DAGLB: variants seen among roughly 807,000 people sequenced by gnomAD.
DAGLB encodes the protein diacylglycerol lipase-beta.
Under a neutral mutation model 72.1 loss-of-function variants are expected in DAGLB, and 66 were observed. The observed-to-expected ratio is 0.92, with a 90% CI of 0.75 to 1.12. DAGLB has a LOEUF of 1.12. DAGLB is among the 50% of genes most tolerant of loss of function. The pLI, the probability that DAGLB is intolerant of heterozygous loss-of-function variation, is 0.00. For synonymous variants in DAGLB, 414 were observed against 359.5 expected, an observed-to-expected ratio of 1.15 and a Z score of -1.71; for missense variants, 1,065 against 884.9, an observed-to-expected ratio of 1.20 and a Z score of -2.58.
chr7:6,413,048 CAG>C lies in DAGLB; in HGVS notation c.1428-16_1428-15del, dbSNP rs1224273378. 5 of 1,611,268 alleles carry C rather than the reference CAG, an allele frequency of 3.1e-6. No individual in the cohort carries two copies. The highest frequency in any genetic ancestry group is 2.2e-5 in the East Asian group (1 of 44,780). ...TGCAGAGCTTTGCTGAAATTCCAAA[CAG>C]AGAGAGGATGTTAGCTTTACGATGA... On this transcript the variant is annotated splice_polypyrimidine_tract_variant and intron_variant, in intron 11 of 14. Coordinates refer to ENST00000297056, the MANE Select transcript of DAGLB (RefSeq NM_139179.4).
At chr7:6,429,864 G>A (rs965235241) in intron 6 of DAGLB, among the ~76,000 whole-genome samples, 3 of 152,204 alleles carry the variant, frequency 2.0e-5, no homozygotes, top group African/African-American at 7.2e-5. Context: ...CTAACACGGT[G>A]AAACCCCATC....
At chr7:6,416,569 G>C in intron 11 of DAGLB, 58 bp downstream of exon 11, 2 of 1,540,532 alleles carry the variant, frequency 1.3e-6, no homozygotes, top group South Asian at 1.2e-5. Flanking sequence ...AAAAAGATGA[G>C]TCTTGACCAC....
Position 6,424,739 on chromosome 7 carries a change from G to A in DAGLB, c.1140+13C>T, listed in dbSNP as rs377495654. The A allele has an allele frequency of 3.1e-6, 5 of 1,612,992 alleles. No homozygotes were observed. The African/African-American group carries it at 6.7e-5, about 22-fold the overall frequency. ...CCCACTCCCAGGGCTGGAAAGTCAG[G>A]TTCCAACGTTACCTGCAGAGACATG... On this transcript the variant is annotated intron_variant, in intron 8 of 14. Transcript: ENST00000297056.
intron 8 of DAGLB, among the ~76,000 whole-genome samples, chr7:6,423,753 A>G (rs748349559): frequency 6.6e-6 from 1 of 151,944 alleles, no homozygotes; most frequent in Non-Finnish European, 1.5e-5. Flanking sequence ...ATGCCTGGCT[A>G]ATTTTCTGTA....
At chr7:6,443,402 T>C (rs1001851471) in intron 2 of DAGLB, among the ~76,000 whole-genome samples, 2 of 152,004 alleles carry the variant, frequency 1.3e-5, no homozygotes, top group Non-Finnish European at 2.9e-5. Context: ...TGCAGTGAGC[T>C]GAGATTACGC....
At chr7:6,446,189 C>G (rs1784994077) in intron 1 of DAGLB, 85 bp from the exon 2 acceptor site, 1 of 1,433,240 alleles carries the variant, frequency 7.0e-7, no homozygotes, top group Admixed American at 2.6e-5. Flanking sequence ...TAAAAGGGGA[C>G]AGGGCGCGGT....
intron 11 of DAGLB, 52 bp from the exon 12 acceptor site, chr7:6,413,086 A>G: frequency 1.3e-6 from 2 of 1,573,502 alleles, no homozygotes; most frequent in South Asian, 2.2e-5. Flanking sequence ...CACTGCCCAC[A>G]AGGGCTTCCA....
At chr7:6,432,450 G>C (rs1784513780) in intron 5 of DAGLB, among the ~76,000 whole-genome samples, 1 of 151,376 alleles carries the variant, frequency 6.6e-6, no homozygotes, top group Admixed American at 6.6e-5. Context: ...GAGGTGAAGA[G>C]ATGGAGACCA....
intron 11 of DAGLB, among the ~76,000 whole-genome samples, chr7:6,416,067 G>T (rs771331860): frequency 6.6e-6 from 1 of 152,062 alleles, no homozygotes. Flanking sequence ...CTTGTGGGGA[G>T]GGAGGGTATG....
At chr7:6,428,717 C>T (rs990212360) in intron 6 of DAGLB, among the ~76,000 whole-genome samples, 2 of 152,166 alleles carry the variant, frequency 1.3e-5, no homozygotes, top group South Asian at 4.1e-4. Context: ...GAACTCCTGA[C>T]CTCAGGTGAT....
chr7:6,410,237 C>G lies in DAGLB; in HGVS notation c.1713G>C (p.Pro571=). The change falls in exon 14 of 15, where the codon CCG becomes CCC. Residue 571 remains proline (P), a synonymous_variant. Transcript: ENST00000297056. ...GEQSLLTRWS[P]AYSFSSDSPL... ...GGGAGTCGCTGGAGAAGCTGTAGGC[C>G]GGGGACCAGCGCGTCAGTAGGCTCT... 1 of 1,612,112 alleles carries G rather than the reference C, an allele frequency of 6.2e-7. No individual in the cohort carries two copies. Among genetic ancestry groups the G allele is most frequent in the Non-Finnish European group, 8.5e-7 (1 of 1,179,150 alleles).
At position 6,409,570 on chromosome 7, in the gene DAGLB, G is replaced by T; in HGVS notation, c.*267C>A. The T allele has an allele frequency of 1.9e-6, 1 of 523,552 alleles. No individual in the cohort carries two copies. The highest frequency in any genetic ancestry group is 2.1e-5 in the South Asian group (1 of 46,604). 32.4% of individuals were successfully genotyped at this position (523,552 alleles called of 1,614,324 possible). ...CAGACAGCCAAGGGATCCATCCACG[G>T]GCCAGGGCTTCCCGAGGCTGTCTCC... On this transcript the variant is annotated 3_prime_UTR_variant, in exon 15 of 15. Coordinates refer to ENST00000297056, the MANE Select transcript of DAGLB (RefSeq NM_139179.4).
At chr7:6,427,005 C>T (rs71531392) in intron 6 of DAGLB, among the ~76,000 whole-genome samples, 25,194 of 152,044 alleles carry the variant, frequency 0.17, 2,484 homozygotes, top group East Asian at 0.23. Flanking sequence ...CTACTCGGGA[C>T]GCTGAGGCAG....
intron 4 of DAGLB, among the ~76,000 whole-genome samples, chr7:6,433,290 T>A (rs990567677): frequency 5.3e-5 from 8 of 152,232 alleles, no homozygotes; most frequent in African/African-American, 1.9e-4. Flanking sequence ...TCCGTTTTTG[T>A]AGCAATGCAC....
chr7:6,441,375 G>C (rs1784826822), intron 2 of DAGLB, among the ~76,000 whole-genome samples: 1 of 150,650 alleles, frequency 6.6e-6, no homozygotes, highest in South Asian at 2.1e-4. Flanking sequence ...ACAGGCGTGA[G>C]CCACCGCGCC....
At chr7:6,428,315 C>CAAAAAAA (rs749361631) in intron 6 of DAGLB, among the ~76,000 whole-genome samples, 11 of 76,952 alleles carry the variant, frequency 1.4e-4, no homozygotes, top group African/African-American at 2.9e-4. Context: ...GACTCTGTCT[C>CAAAAAAA]AAAAAAAAAA....
intron 3 of DAGLB, among the ~76,000 whole-genome samples, chr7:6,435,644 T>C (rs2115282649): frequency 6.6e-6 from 1 of 152,304 alleles, no homozygotes; most frequent in Non-Finnish European, 1.5e-5. Flanking sequence ...CCTGGGACCA[T>C]GACATACGCC....
In DAGLB at chr7:6,446,880, C is replaced by G. The variant is rs1319998820; in HGVS notation, c.96-776G>C. Among the ~76,000 whole-genome samples, 4 of 152,050 alleles carry G rather than the reference C, an allele frequency of 2.6e-5. No individual in the cohort carries two copies. In the South Asian group the frequency reaches 6.2e-4, roughly 24 times the overall value. On this transcript the variant is annotated intron_variant, in intron 1 of 14. Coordinates refer to ENST00000297056, the MANE Select transcript of DAGLB (RefSeq NM_139179.4). ...AAAAAGTTAGCTGGGCGTGGTGGCA[C>G]GAGTCTGTGGTCCCAGCTACTTGGA...
rs527894369 is a variant in DAGLB, at chr7:6,416,765, G to A, written c.1300-11C>T. The A allele has an allele frequency of 2.1e-5, 34 of 1,613,974 alleles. 1 individual carries two copies. In the South Asian group the frequency reaches 3.6e-4, roughly 17 times the overall value. ...GACCAGCCGGTACTCCTAGAGGACA[G>A]ACAGCAGAATGAGGTGAAGGGTAAA... On this transcript the variant is annotated splice_polypyrimidine_tract_variant and intron_variant, in intron 10 of 14. Transcript: ENST00000297056.
Sources: allele counts gnomAD v4.1 joint callset (sites outside exome capture counted in the v4.1 genomes callset), GRCh38; gene constraint gnomAD v4.1.1; transcripts MANE v1.5; gene names NCBI Gene and HGNC (gene_info 2026-07-23, HGNC 2026-07-21).